Variants in CDH12 observed in about 807,000 individuals in gnomAD.
CDH12 encodes the protein cadherin 12.
In CDH12, 41 loss-of-function variants were observed where a neutral mutation model predicts 74.1. The observed-to-expected ratio is 0.55, with a 90% CI of 0.43 to 0.72. CDH12 has a LOEUF of 0.72. Among genes scored for constraint, CDH12 ranks in the 30% least tolerant of loss-of-function variants. The probability of loss-of-function intolerance (pLI) is 0.00; values close to 1 mark genes in which losing one functional copy is unlikely to be tolerated. For missense variants in CDH12, 945 were observed against 977.2 expected (o/e 0.97, Z 0.44); for synonymous variants, 399 against 355.0 (o/e 1.12, Z -1.39).
At chr5:22,769,367 C>T (rs1370287346) in intron 1 of CDH12, among the ~76,000 whole-genome samples, 1 of 152,080 alleles carries the variant, frequency 6.6e-6, no homozygotes, top group Non-Finnish European at 1.5e-5. Flanking sequence ...GCTTCCTGCC[C>T]TTGGACATCA....
intron 1 of CDH12, among the ~76,000 whole-genome samples, chr5:22,846,439 T>G (rs1434522091): frequency 6.6e-6 from 1 of 152,146 alleles, no homozygotes; most frequent in Non-Finnish European, 1.5e-5. Flanking sequence ...TATGATGGTA[T>G]CCTGGGATGC....
intron 5 of CDH12, among the ~76,000 whole-genome samples, chr5:22,005,394 G>A (rs1396232683): frequency 1.3e-5 from 2 of 152,074 alleles, no homozygotes. Flanking sequence ...GGGCACTGAG[G>A]TAGATTTCAT....
chr5:22,498,983 A>T (rs1388048257), intron 2 of CDH12, among the ~76,000 whole-genome samples: 2 of 146,986 alleles, frequency 1.4e-5, no homozygotes, highest in African/African-American at 2.5e-5. Flanking sequence ...GGCTCACTGC[A>T]ACCTCTGTCT....
rs981193160 is a variant in CDH12 at position 21,991,019 on chromosome 5, A to T, written c.232-15634T>A. ...GTTCAGAGAATTGAATTAGCAATAG[A>T]TATAAACTACCCAAGTTTTCGTTTT... On this transcript the variant is annotated intron_variant, in intron 5 of 14. Transcript: ENST00000382254. 1.2e-3 allele frequency among the ~76,000 whole-genome samples: 189 copies of T among 151,892 alleles called. 1 individual carries two copies. The Middle Eastern group carries it at 0.014, about 11-fold the overall frequency.
intron 2 of CDH12, among the ~76,000 whole-genome samples, chr5:22,430,318 A>G (rs1744116282): frequency 6.6e-6 from 1 of 152,120 alleles, no homozygotes; most frequent in Non-Finnish European, 1.5e-5. Context: ...GAGAGATAAA[A>G]GAATTTTTGG....
chr5:22,684,999 T>C (rs1220203592), intron 1 of CDH12, among the ~76,000 whole-genome samples: 3 of 152,122 alleles, frequency 2.0e-5, no homozygotes, highest in Non-Finnish European at 4.4e-5. Flanking sequence ...CCTTTGATAA[T>C]AAAAATAGTT....
At chr5:22,843,487 T>C (rs1737167809) in intron 1 of CDH12, among the ~76,000 whole-genome samples, 1 of 152,070 alleles carries the variant, frequency 6.6e-6, no homozygotes, top group Non-Finnish European at 1.5e-5. Flanking sequence ...ATTTCATAGC[T>C]TCCTCTATTG....
chr5:21,820,779 T>C (rs1052714356), intron 8 of CDH12, among the ~76,000 whole-genome samples: 22 of 152,114 alleles, frequency 1.4e-4, no homozygotes, highest in African/African-American at 4.3e-4. Flanking sequence ...AACTGTGAAG[T>C]AATCTTCAGC....
chr5:22,100,330 G>A (rs1045881771), intron 4 of CDH12, among the ~76,000 whole-genome samples: 7 of 152,082 alleles, frequency 4.6e-5, no homozygotes, highest in Admixed American at 3.9e-4. Flanking sequence ...AGGACTGTGC[G>A]TAGAGACTGA....
chr5:22,159,890 AG>A (rs2150317853), intron 4 of CDH12, among the ~76,000 whole-genome samples: 1 of 152,292 alleles, frequency 6.6e-6, no homozygotes, highest in Non-Finnish European at 1.5e-5. Context: ...GACATAGTCA[AG>A]ACAGTAGCAA....
chr5:22,503,289 A>T (rs1736247547), intron 2 of CDH12, among the ~76,000 whole-genome samples: 1 of 152,078 alleles, frequency 6.6e-6, no homozygotes, highest in Admixed American at 6.6e-5. Context: ...ACACTGCCCT[A>T]TGTGATTGTT....
intron 5 of CDH12, among the ~76,000 whole-genome samples, chr5:21,988,130 C>A (rs1580072884): frequency 6.6e-6 from 1 of 152,198 alleles, no homozygotes; most frequent in Middle Eastern, 3.4e-3. Context: ...AACTACTCCC[C>A]TCCTCCCCCC....
chr5:22,474,603 T>C (rs1270468063), intron 2 of CDH12, among the ~76,000 whole-genome samples: 1 of 152,048 alleles, frequency 6.6e-6, no homozygotes, highest in Admixed American at 6.6e-5. Flanking sequence ...ACAATGATTA[T>C]TTCCATTGTG....
intron 1 of CDH12, among the ~76,000 whole-genome samples, chr5:22,603,440 G>A (rs1024562098): frequency 6.6e-6 from 1 of 152,134 alleles, no homozygotes; most frequent in African/African-American, 2.4e-5. Flanking sequence ...GTAGAGAGTG[G>A]TAGCATACAG....
At chr5:22,502,974 T>C (rs773150702) in intron 2 of CDH12, among the ~76,000 whole-genome samples, 4 of 152,154 alleles carry the variant, frequency 2.6e-5, no homozygotes, top group Non-Finnish European at 5.9e-5. Flanking sequence ...TTTTTATCTA[T>C]TTCTCTTTAT....
intron 5 of CDH12, among the ~76,000 whole-genome samples, chr5:22,040,434 G>A (rs1224770834): frequency 6.6e-6 from 1 of 152,106 alleles, no homozygotes; most frequent in African/African-American, 2.4e-5. Flanking sequence ...AAGACATATG[G>A]ACATCCAGAT....
chr5:21,760,322 T>C (rs1387281933), intron 13 of CDH12, among the ~76,000 whole-genome samples: 1 of 152,112 alleles, frequency 6.6e-6, no homozygotes, highest in Non-Finnish European at 1.5e-5. Flanking sequence ...GAGTCTTTTA[T>C]TTGCTTGACT....
intron 4 of CDH12, among the ~76,000 whole-genome samples, chr5:22,114,582 TATC>T (rs1300199958): frequency 6.6e-6 from 1 of 152,212 alleles, no homozygotes; most frequent in African/African-American, 2.4e-5. Context: ...TAACAACTGT[TATC>T]ATGTAAACTG....
intron 3 of CDH12, among the ~76,000 whole-genome samples, chr5:22,338,071 T>C (rs945739168): frequency 2.6e-5 from 4 of 152,068 alleles, no homozygotes; most frequent in African/African-American, 7.3e-5. Flanking sequence ...CTGCTGGGTA[T>C]ATATCCAAAA....
Sources: allele counts gnomAD v4.1 joint callset (sites outside exome capture counted in the v4.1 genomes callset), GRCh38; gene constraint gnomAD v4.1.1; transcripts MANE v1.5; gene names NCBI Gene and HGNC (gene_info 2026-07-23, HGNC 2026-07-21).